DOCK11: variants seen among roughly 807,000 people sequenced by gnomAD.
DOCK11 encodes the protein dedicator of cytokinesis protein 11.
Under a neutral mutation model 169.1 loss-of-function variants are expected in DOCK11, and 70 were observed. That is an observed-to-expected ratio of 0.41 (90% CI 0.34 to 0.51). DOCK11 has a LOEUF of 0.51. DOCK11 is among the 20% of genes least tolerant of loss of function. The pLI, the probability that DOCK11 is intolerant of heterozygous loss-of-function variation, is 0.10. For synonymous variants in DOCK11, 529 were observed against 541.3 expected (o/e 0.98, Z 0.32); for missense variants, 1,166 against 1,538.8 (o/e 0.76, Z 4.05).
At chrX:118,680,437 AAAAAT>A (rs1351763897) in intron 48 of DOCK11, 40 bp from the exon 49 acceptor site, 26 of 798,349 alleles carry the variant, frequency 3.3e-5, no homozygotes, top group Non-Finnish European at 4.1e-5. Context: ...GAATAAAATA[AAAAAT>A]AAAATAAAAT....
chrX:118,628,527 G>A (rs2015162099), intron 34 of DOCK11, among the ~76,000 whole-genome samples: 1 of 112,307 alleles, frequency 8.9e-6, no homozygotes, highest in East Asian at 2.8e-4. Context: ...ACCCTAGCAC[G>A]CTATTTTAGT....
intron 45 of DOCK11, among the ~76,000 whole-genome samples, chrX:118,665,185 A>G (rs1387748712): frequency 8.9e-6 from 1 of 112,385 alleles, no homozygotes; most frequent in Non-Finnish European, 1.9e-5. Flanking sequence ...TGGCAGTGAG[A>G]TTTCTTAAAA....
chrX:118,643,752 C>A (rs893327934), intron 40 of DOCK11, among the ~76,000 whole-genome samples, 158 bp downstream of exon 40: 1 of 111,706 alleles, frequency 9.0e-6, no homozygotes, highest in Non-Finnish European at 1.9e-5. Context: ...AAAGCACACA[C>A]AGAGGGCCTA....
intron 30 of DOCK11, 63 bp downstream of exon 30, chrX:118,615,774 T>C: frequency 1.2e-6 from 1 of 863,889 alleles, no homozygotes; most frequent in East Asian, 3.3e-5. Context: ...AGCGCTAGTG[T>C]AGTATAATGT....
intron 18 of DOCK11, among the ~76,000 whole-genome samples, chrX:118,588,737 G>A (rs746828698): frequency 8.9e-6 from 1 of 112,058 alleles, no homozygotes; most frequent in Non-Finnish European, 1.9e-5. Context: ...TTGCTTCAAT[G>A]CCCAATTGCA....
chrX:118,666,155 G>C (rs2016334900), intron 45 of DOCK11, among the ~76,000 whole-genome samples: 1 of 111,917 alleles, frequency 8.9e-6, no homozygotes, highest in Non-Finnish European at 1.9e-5. Flanking sequence ...TATTCAGGAG[G>C]CTGAGGCACA....
intron 1 of DOCK11, among the ~76,000 whole-genome samples, chrX:118,534,222 G>GGTAA (rs1569409281): frequency 5.4e-4 from 61 of 112,067 alleles, no homozygotes; most frequent in African/African-American, 1.9e-3. Context: ...CAAGTTTGTC[G>GGTAA]AGTAAAGTTT....
chrX:118,503,074 C>CTTTTTTTTTTTTTTTTTTTT (rs767017269), intron 1 of DOCK11, among the ~76,000 whole-genome samples: 1 of 90,789 alleles, frequency 1.1e-5, no homozygotes. Flanking sequence ...ATAACAAAGG[C>CTTTTTTTTTTTTTTTTTTTT]TTTTTTTTTT....
At chrX:118,553,463 C>T (rs1198534258) in intron 6 of DOCK11, among the ~76,000 whole-genome samples, 1 of 111,829 alleles carries the variant, frequency 8.9e-6, no homozygotes, top group East Asian at 2.8e-4. Context: ...TAGCTCTCTC[C>T]TCCCCATTCT....
intron 1 of DOCK11, among the ~76,000 whole-genome samples, chrX:118,512,403 G>T (rs2057655887): frequency 8.9e-6 from 1 of 111,900 alleles, no homozygotes; most frequent in Admixed American, 9.5e-5. Flanking sequence ...TATATTTTTA[G>T]ATTCAGACAG....
intron 46 of DOCK11, among the ~76,000 whole-genome samples, chrX:118,672,633 C>T (rs1420448237): frequency 8.9e-6 from 1 of 112,328 alleles, no homozygotes; most frequent in Non-Finnish European, 1.9e-5. Flanking sequence ...GGCAGGGTTT[C>T]ACCGTGTTAG....
chrX:118,530,054 C>G (rs2086931297), intron 1 of DOCK11, among the ~76,000 whole-genome samples: 1 of 112,344 alleles, frequency 8.9e-6, no homozygotes, highest in South Asian at 3.6e-4. Context: ...AAAGTTGGAC[C>G]ATTTTGGATC....
chrX:118,593,404 C>A (rs2014064791), intron 20 of DOCK11, 67 bp downstream of exon 20: 1 of 1,049,146 alleles, frequency 9.5e-7, no homozygotes, highest in South Asian at 2.8e-5. Flanking sequence ...GGTATAACCT[C>A]TTTTCACCAA....
chrX:118,552,099 G>A (rs1318935601), intron 6 of DOCK11, among the ~76,000 whole-genome samples: 4 of 109,561 alleles, frequency 3.7e-5, no homozygotes, highest in Admixed American at 9.8e-5. Flanking sequence ...GAATCACATC[G>A]TGAGAGAAAG....
chrX:118,537,445 C>T (rs58587486), intron 1 of DOCK11, among the ~76,000 whole-genome samples: 1 of 111,407 alleles, frequency 9.0e-6, no homozygotes, highest in Non-Finnish European at 1.9e-5. Context: ...AACTAATGAC[C>T]TTTGGTATGG....
intron 29 of DOCK11, 148 bp from the exon 30 acceptor site, chrX:118,615,452 A>G (rs974432234): frequency 4.6e-5 from 20 of 437,067 alleles, no homozygotes; most frequent in Non-Finnish European, 7.4e-5. Flanking sequence ...TGGACCTGCT[A>G]TGTTAACTCT....
chrX:118,544,749 C>T (rs1466153664), intron 4 of DOCK11, among the ~76,000 whole-genome samples: 1 of 99,852 alleles, frequency 1.0e-5, no homozygotes, highest in African/African-American at 3.7e-5. Context: ...CAACCTCTGC[C>T]TCCCGGGTTC....
intron 52 of DOCK11, among the ~76,000 whole-genome samples, chrX:118,684,413 C>T (rs1054911203): frequency 9.2e-6 from 1 of 108,289 alleles, no homozygotes; most frequent in African/African-American, 3.4e-5. Context: ...GCTGGGACTA[C>T]AGGCACGTGC....
intron 40 of DOCK11, among the ~76,000 whole-genome samples, chrX:118,647,589 C>CATATA (rs2015728882): frequency 3.6e-5 from 2 of 55,349 alleles, no homozygotes; most frequent in Admixed American, 3.1e-4. Context: ...TATAATATAT[C>CATATA]TTATATATTA....
Sources: allele counts gnomAD v4.1 joint callset (sites outside exome capture counted in the v4.1 genomes callset), GRCh38; gene constraint gnomAD v4.1.1; transcripts MANE v1.5; gene names NCBI Gene and HGNC (gene_info 2026-07-23, HGNC 2026-07-21).